The following NR1H4 variants were observed in gnomAD, a reference collection of about 807,000 sequenced individuals.
The protein encoded by NR1H4 is bile acid receptor.
Under a neutral mutation model 58.5 loss-of-function variants are expected in NR1H4, and 23 were observed. The ratio of observed to expected loss-of-function variants is 0.39; its 90% confidence interval spans 0.28 to 0.56. NR1H4 has a LOEUF of 0.56. NR1H4 is among the 20% of genes least tolerant of loss of function. The probability of loss-of-function intolerance (pLI) is 0.58; values close to 1 mark genes in which losing one functional copy is unlikely to be tolerated. For synonymous variants in NR1H4, 214 were observed against 198.0 expected, an observed-to-expected ratio of 1.08 and a Z score of -0.68; for missense variants, 487 against 576.9, an observed-to-expected ratio of 0.84 and a Z score of 1.60.
At chr12:100,549,500 C>A (rs148180739) in intron 9 of NR1H4, among the ~76,000 whole-genome samples, 257 of 152,204 alleles carry the variant, frequency 1.7e-3, no homozygotes, top group African/African-American at 5.9e-3. Flanking sequence ...CACCTTGAGA[C>A]AAGAGACCTG....
intron 3 of NR1H4, 23 bp downstream of exon 3, chr12:100,493,425 A>G (rs994230177): frequency 1.7e-6 from 2 of 1,168,664 alleles, no homozygotes; most frequent in Non-Finnish European, 2.5e-6. Flanking sequence ...GTTCATTTGA[A>G]TATCAATAAG....
chr12:100,563,056 T>G (rs1050513617), intron 10 of NR1H4, among the ~76,000 whole-genome samples, 195 bp from the exon 11 acceptor site: 2 of 152,208 alleles, frequency 1.3e-5, no homozygotes, highest in African/African-American at 4.8e-5. Context: ...CTGGGAAGCA[T>G]TACATGTGTT....
chr12:100,548,590 G>T (rs976298231), intron 9 of NR1H4, among the ~76,000 whole-genome samples: 15 of 152,080 alleles, frequency 9.9e-5, no homozygotes, highest in African/African-American at 3.6e-4. Context: ...TCTGCCTGTA[G>T]GGCAACTATC....
rs147049953 is a variant in NR1H4 at position 100,496,656 on chromosome 12, C to T, written c.79+3254C>T. Among the ~76,000 whole-genome samples the T allele has an allele frequency of 2.7e-3, 408 of 152,294 alleles. 4 individuals are homozygous for T. Among genetic ancestry groups the T allele is most frequent in the African/African-American group, 9.0e-3 (374 of 41,562 alleles). On this transcript the variant is annotated intron_variant, in intron 3 of 10. Transcript: ENST00000392986. ...TCCACAAAAATGCTACTGTTGTCCA[C>T]GTCAGGAAGTGGTGACTTAATGGTA... is the stretch of plus-strand genomic sequence containing the variant.
chr12:100,503,561 A>C (rs1021945924), intron 3 of NR1H4: 5 of 1,447,670 alleles, frequency 3.5e-6, no homozygotes, highest in Non-Finnish European at 2.7e-6. Context: ...AAATCTGGGG[A>C]CTTTGGTTGG....
intron 1 of NR1H4, among the ~76,000 whole-genome samples, chr12:100,488,490 G>A (rs1167006384): frequency 6.6e-6 from 1 of 152,140 alleles, no homozygotes; most frequent in African/African-American, 2.4e-5. Context: ...TTAAAAAAAT[G>A]TTTAAAATCT....
intron 4 of NR1H4, among the ~76,000 whole-genome samples, chr12:100,516,213 A>G (rs1318996994): frequency 6.6e-6 from 1 of 152,224 alleles, no homozygotes; most frequent in Non-Finnish European, 1.5e-5. Context: ...TGAAACCTGG[A>G]CTGGAAAGAC....
rs1164080731 is a variant in NR1H4 at position 100,563,729 on chromosome 12, C to T, written c.*240C>T. On this transcript the variant is annotated 3_prime_UTR_variant, in exon 11 of 11. Transcript: ENST00000392986. ...ATTCTAATTGGCAAGCCCTGTTTGCCTAATTAAATTGATTGTTACTTCAAT... is the reference window on the plus strand; with the variant it reads ...ATTCTAATTGGCAAGCCCTGTTTGCTTAATTAAATTGATTGTTACTTCAAT... 2.0e-6 allele frequency: 1 copy of T among 498,554 alleles called. No homozygotes were observed. The highest frequency in any genetic ancestry group is 1.9e-5 in the African/African-American group (1 of 52,164). 30.9% of individuals were successfully genotyped at this position (498,554 alleles called of 1,614,324 possible).
At chr12:100,503,362 T>C in intron 3 of NR1H4, 1 of 1,591,248 alleles carries the variant, frequency 6.3e-7, no homozygotes. Context: ...CTAGTCTCAT[T>C]TTCAGTGGCT....
chr12:100,543,294 T>A (rs1954981107), intron 9 of NR1H4, among the ~76,000 whole-genome samples: 1 of 152,150 alleles, frequency 6.6e-6, no homozygotes, highest in Non-Finnish European at 1.5e-5. Context: ...AATGATTTTG[T>A]TATTTCCCAA....
intron 4 of NR1H4, among the ~76,000 whole-genome samples, chr12:100,520,928 G>A (rs1325576000): frequency 6.6e-6 from 1 of 152,136 alleles, no homozygotes; most frequent in African/African-American, 2.4e-5. Context: ...TTAAGACCGT[G>A]CAATATTTAT....
intron 9 of NR1H4, among the ~76,000 whole-genome samples, chr12:100,554,851 G>A (rs1472882392): frequency 6.6e-6 from 1 of 152,106 alleles, no homozygotes; most frequent in African/African-American, 2.4e-5. Context: ...AGAAATTGCT[G>A]GTTCACAAGC....
chr12:100,501,092 A>G (rs935430437), intron 3 of NR1H4, among the ~76,000 whole-genome samples: 1 of 151,862 alleles, frequency 6.6e-6, no homozygotes, highest in African/African-American at 2.4e-5. Flanking sequence ...TCACTCAGCA[A>G]CAAGGGTTTC....
chr12:100,510,169 A>G (rs187749894), intron 3 of NR1H4, among the ~76,000 whole-genome samples: 1 of 152,346 alleles, frequency 6.6e-6, no homozygotes, highest in African/African-American at 2.4e-5. Flanking sequence ...CTGCAAGTGA[A>G]TATTTTTACA....
intron 3 of NR1H4, among the ~76,000 whole-genome samples, chr12:100,504,131 A>G (rs1418060514): frequency 6.6e-6 from 1 of 152,202 alleles, no homozygotes; most frequent in African/African-American, 2.4e-5. Context: ...TTCTCCCAAT[A>G]GTCCATGAAA....
At chr12:100,527,441 G>A (rs1338502064) in intron 4 of NR1H4, among the ~76,000 whole-genome samples, 2 of 152,234 alleles carry the variant, frequency 1.3e-5, no homozygotes, top group East Asian at 3.9e-4. Context: ...GCTGAGGTGA[G>A]AGGATCGCTT....
At chr12:100,543,408 C>T (rs569794076) in intron 9 of NR1H4, among the ~76,000 whole-genome samples, 1 of 152,184 alleles carries the variant, frequency 6.6e-6, no homozygotes, top group East Asian at 1.9e-4. Flanking sequence ...CAGAAGTCAC[C>T]TCTTAGGAGG....
At chr12:100,482,420 T>C (rs1485929065) in intron 1 of NR1H4, among the ~76,000 whole-genome samples, 2 of 152,226 alleles carry the variant, frequency 1.3e-5, no homozygotes, top group Non-Finnish European at 2.9e-5. Context: ...AGGTATATTA[T>C]TCATTCACTC....
chr12:100,476,361 G>A (rs1188966803), intron 1 of NR1H4, among the ~76,000 whole-genome samples: 1 of 152,202 alleles, frequency 6.6e-6, no homozygotes, highest in Non-Finnish European at 1.5e-5. Flanking sequence ...TGCACCATCA[G>A]TAGGGAAACT....
Sources: gnomAD v4.1 joint callset for allele counts (sites outside exome capture counted in the v4.1 genomes callset) on GRCh38, gnomAD v4.1.1 for gene constraint, MANE v1.5 for transcripts, NCBI Gene and HGNC (gene_info 2026-07-23, HGNC 2026-07-21) for gene names.